Variants in TOLLIP observed in about 807,000 individuals in gnomAD.
TOLLIP encodes the protein toll interacting protein, also known as toll-interacting protein.
TOLLIP carries 16 observed loss-of-function variants against 33.5 expected under a neutral mutation model. The ratio of observed to expected loss-of-function variants is 0.48; its 90% CI spans 0.32 to 0.72. The LOEUF is 0.72. TOLLIP is among the 30% of genes least tolerant of loss of function. The pLI, the probability that TOLLIP is intolerant of heterozygous loss-of-function variation, is 0.03. For synonymous variants in TOLLIP, 176 were observed against 163.7 expected (o/e 1.07, Z -0.57); for missense variants, 325 against 396.6 (o/e 0.82, Z 1.53).
Position 1,291,638 on chromosome 11 carries a change from C to T in TOLLIP, c.184-1229G>A, listed in dbSNP as rs376539979. On this transcript the variant is annotated intron_variant, in intron 2 of 5. Transcript: ENST00000317204. ...GCACCGCCGCCCTGTTCTCACCGCA[C>T]CCCTCTGAGGGCACGGCCGCCCCGT... Among the ~76,000 whole-genome samples the T allele has an allele frequency of 8.0e-4, 122 of 151,738 alleles. 1 individual carries two copies. Among genetic ancestry groups the T allele is most frequent in the African/African-American group, 2.9e-3 (119 of 41,306 alleles).
rs186644202 is a variant in TOLLIP, at chr11:1,276,561, G to A, written c.*478C>T. ...AGGGGCCAGGCTCACAGCAAAGCGCGTTAGGGCAAGGGCGTGAGTTTTCGT... is the reference window on the plus strand; with the variant it reads ...AGGGGCCAGGCTCACAGCAAAGCGCATTAGGGCAAGGGCGTGAGTTTTCGT... On this transcript the variant is annotated 3_prime_UTR_variant, in exon 6 of 6. Coordinates refer to ENST00000317204, the MANE Select transcript of TOLLIP (RefSeq NM_019009.4). 166 of 868,750 alleles carry A rather than the reference G, an allele frequency of 1.9e-4. No homozygotes were observed. The highest frequency in any genetic ancestry group is 7.8e-4 in the Admixed American group (29 of 37,258). 53.8% of individuals were successfully genotyped at this position (868,750 alleles called of 1,614,324 possible). A position where few individuals can be genotyped will look rare whatever the true frequency, so the allele number is the denominator to read the frequency against.
intron 4 of TOLLIP, among the ~76,000 whole-genome samples, chr11:1,287,261 CGTCT>C: frequency 6.6e-6 from 1 of 152,326 alleles, no homozygotes; most frequent in South Asian, 2.1e-4. Flanking sequence ...TGTATGAAAG[CGTCT>C]GTTAAAGACG....
At chr11:1,309,318 C>T (rs533977767) in intron 1 of TOLLIP, 148 bp downstream of exon 1, 3 of 373,742 alleles carry the variant, frequency 8.0e-6, no homozygotes, top group East Asian at 4.9e-5. Context: ...GACGCCGCCG[C>T]TCCCCTCCGG....
At chr11:1,285,033 G>A (rs1244233242) in intron 5 of TOLLIP, among the ~76,000 whole-genome samples, 1 of 152,184 alleles carries the variant, frequency 6.6e-6, no homozygotes, top group Non-Finnish European at 1.5e-5. Flanking sequence ...CTGGACACCA[G>A]CACTGGCCTC....
At chr11:1,302,142 C>T (rs1864298066) in intron 1 of TOLLIP, among the ~76,000 whole-genome samples, 1 of 152,258 alleles carries the variant, frequency 6.6e-6, no homozygotes, top group African/African-American at 2.4e-5. Flanking sequence ...ACACCCAGGT[C>T]AGAGCTCAGT....
chr11:1,301,981 C>T (rs5743902), intron 1 of TOLLIP, among the ~76,000 whole-genome samples: 97,190 of 151,994 alleles, frequency 0.64, 31,697 homozygotes, highest in Non-Finnish European at 0.73. Context: ...TCACATAGAA[C>T]AGCACAGTTG....
chr11:1,285,788 A>C lies in TOLLIP; in HGVS notation c.610+214T>G, dbSNP rs80293662. ...CAACAATTAGAAAAAAAAAAAAAAA[A>C]CAATTCTATTTTCTAGATATGCAAA... On this transcript the variant is annotated intron_variant, in intron 5 of 5. Transcript: ENST00000317204. 4.1e-4 allele frequency among the ~76,000 whole-genome samples: 63 copies of C among 152,086 alleles called. 2 individuals carry two copies. In the South Asian group the frequency reaches 0.012, roughly 30 times the overall value.
intron 1 of TOLLIP, chr11:1,302,788 T>C (rs1438563636): frequency 1.0e-6 from 1 of 985,490 alleles, no homozygotes; most frequent in Non-Finnish European, 1.2e-6. Flanking sequence ...CCCACGCCAG[T>C]GTGGACGGGC....
At chr11:1,280,869 G>C (rs1233133290) in intron 5 of TOLLIP, among the ~76,000 whole-genome samples, 1 of 152,190 alleles carries the variant, frequency 6.6e-6, no homozygotes, top group Non-Finnish European at 1.5e-5. Flanking sequence ...GTGCCCCTCT[G>C]TGCCAGGGAC....
rs764148191 is a variant in TOLLIP, at chr11:1,303,638, C to T, written c.33+5828G>A. Among the ~76,000 whole-genome samples, 13 of 152,186 alleles carry T rather than the reference C, an allele frequency of 8.5e-5. No individual in the cohort carries two copies. Among genetic ancestry groups the T allele is most frequent in the African/African-American group, 1.9e-4 (8 of 41,444 alleles). ...ACCAGCACGGTGCCAGGGCAGGGCC[C>T]GCAGGATCTGGAGACAGTGACTCAG... On this transcript the variant is annotated intron_variant, in intron 1 of 5. Coordinates refer to ENST00000317204, the MANE Select transcript of TOLLIP (RefSeq NM_019009.4). The surrounding 1 kb of genome is among the most constrained non-coding windows in gnomAD (Gnocchi z 4.2).
Position 1,277,340 on chromosome 11 carries a change from T to C in TOLLIP, c.611-87A>G. The C allele has an allele frequency of 1.8e-6, 2 of 1,127,034 alleles. No homozygotes were observed. Among genetic ancestry groups the C allele is most frequent in the Non-Finnish European group, 2.4e-6 (2 of 817,288 alleles). The allele number at this position is 1,127,034 out of a possible 1,614,324, so 69.8% of individuals were successfully genotyped here. A position where few individuals can be genotyped will look rare whatever the true frequency, so the allele number is the denominator to read the frequency against. ...CCTGCTGAAGGAAGAAAACAACGCA[T>C]CCCACCGGCCTCCCTGAGGAAGGGG... On this transcript the variant is annotated intron_variant, in intron 5 of 5. Transcript: ENST00000317204. The surrounding 1 kb of genome is among the most constrained non-coding windows in gnomAD (Gnocchi z 4.2).
intron 1 of TOLLIP, among the ~76,000 whole-genome samples, chr11:1,299,320 T>C (rs1395479346): frequency 6.6e-6 from 1 of 152,180 alleles, no homozygotes; most frequent in South Asian, 2.1e-4. Flanking sequence ...GAGAGGCGGC[T>C]TGCCTGCTGC....
At chr11:1,294,993 C>T in intron 2 of TOLLIP, among the ~76,000 whole-genome samples, 1 of 119,408 alleles carries the variant, frequency 8.4e-6, no homozygotes, top group Admixed American at 8.6e-5. Context: ...TCTACGAAAG[C>T]CCGCGTGGCT....
In TOLLIP at chr11:1,293,336, G is replaced by T. The variant is rs561387548; in HGVS notation, c.183+2309C>A. On this transcript the variant is annotated intron_variant, in intron 2 of 5. Coordinates refer to ENST00000317204, the MANE Select transcript of TOLLIP (RefSeq NM_019009.4). ...TAGGGATCTGGGGTGGAGCTGAGTG[G>T]TCGGCTCAGGCTGGGGCCAGCACAT... Among the ~76,000 whole-genome samples the T allele has an allele frequency of 2.6e-5, 4 of 152,356 alleles. No individual in the cohort carries two copies. The South Asian group carries it at 8.3e-4, about 32-fold the overall frequency.
chr11:1,279,261 C>T (rs538330104), intron 5 of TOLLIP, among the ~76,000 whole-genome samples: 4 of 152,346 alleles, frequency 2.6e-5, no homozygotes, highest in East Asian at 3.9e-4. Context: ...CAGGCACCCC[C>T]GGGGGAAGAG....
chr11:1,303,985 G>A lies in TOLLIP; in HGVS notation c.33+5481C>T, dbSNP rs1864355918. 6.7e-6 allele frequency among the ~76,000 whole-genome samples: 1 copy of A among 149,460 alleles called. No homozygotes were observed. Among genetic ancestry groups the A allele is most frequent in the African/African-American group, 2.5e-5 (1 of 40,324 alleles). ...TGGGAGGAAGAGGTTGCAGTGAGTT[G>A]AGATTGTGCCACTGCACTCCAGCCT... On this transcript the variant is annotated intron_variant, in intron 1 of 5. Transcript: ENST00000317204. This position sits in a 1 kb window ranked among gnomAD's most constrained non-coding sequence, Gnocchi z 4.2.
At chr11:1,294,327 T>C (rs1864044027) in intron 2 of TOLLIP, among the ~76,000 whole-genome samples, 1 of 63,228 alleles carries the variant, frequency 1.6e-5, no homozygotes. Flanking sequence ...TTCCCTGCAT[T>C]TCTACGAAAG....
chr11:1,304,798 G>GA (rs950664367), intron 1 of TOLLIP, among the ~76,000 whole-genome samples: 3 of 151,332 alleles, frequency 2.0e-5, no homozygotes, highest in East Asian at 1.9e-4. Context: ...GGCAATGAGA[G>GA]AAAAAAAATA....
In TOLLIP at chr11:1,276,904, G is replaced by C; in HGVS notation, c.*135C>G. 1 of 1,562,370 alleles carries C rather than the reference G, an allele frequency of 6.4e-7. No homozygotes were observed. Among genetic ancestry groups the C allele is most frequent in the Non-Finnish European group, 8.6e-7 (1 of 1,157,170 alleles). On this transcript the variant is annotated 3_prime_UTR_variant, in exon 6 of 6. Transcript: ENST00000317204. ...ATGCACCCAAGAACAGGTGTGGACG[G>C]GGCGGCACAGAAGTCCACGGGAGGG...
Sources: allele counts gnomAD v4.1 joint callset (sites outside exome capture counted in the v4.1 genomes callset), GRCh38; gene constraint gnomAD v4.1.1; non-coding constraint Gnocchi (gnomAD v3.1); transcripts MANE v1.5; gene names NCBI Gene and HGNC (gene_info 2026-07-23, HGNC 2026-07-21).